Variants in NEB observed in about 807,000 individuals in gnomAD.
The protein encoded by NEB is nemaline myopathy type 2.
A neutral mutation model predicts 952.2 loss-of-function variants in NEB; 512 were observed. That is an observed-to-expected ratio of 0.54 (90% confidence interval 0.50 to 0.58). The LOEUF (loss-of-function observed/expected upper bound fraction) is 0.58, where lower values mean the gene tolerates loss of function less well. Ranked by LOEUF, NEB falls within the 20% of genes least tolerant of loss-of-function variation. The pLI is 0.00. For missense variants in NEB, 8,428 were observed against 9,231.1 expected (o/e 0.91, Z 3.56); for synonymous variants, 2,900 against 3,149.8 (o/e 0.92, Z 2.66).
intron 27 of NEB, among the ~76,000 whole-genome samples, 154 bp from the exon 28 acceptor site, chr2:151,685,129 A>G (rs1032030070): frequency 6.6e-6 from 1 of 152,164 alleles, no homozygotes; most frequent in African/African-American, 2.4e-5. Flanking sequence ...GTTACATACC[A>G]TTGAAATTCC....
chr2:151,549,777 G>C, intron 129 of NEB, 37 bp from the exon 130 acceptor site: 1 of 1,268,230 alleles, frequency 7.9e-7, no homozygotes, highest in South Asian at 1.3e-5. Flanking sequence ...AATGACATCG[G>C]GCATCAAGTA....
At chr2:151,725,019 A>T in intron 6 of NEB, 58 bp from the exon 7 acceptor site, 3 of 1,342,650 alleles carry the variant, frequency 2.2e-6, no homozygotes, top group Non-Finnish European at 3.2e-6. Context: ...GAGTATATTA[A>T]GGAATTTCTT....
intron 173 of NEB, among the ~76,000 whole-genome samples, chr2:151,494,711 C>T (rs776972588): frequency 1.3e-5 from 2 of 152,144 alleles, no homozygotes; most frequent in Admixed American, 6.5e-5. Context: ...TGCAATGGCA[C>T]GATCCCTGCT....
At chr2:151,716,215 T>C in intron 10 of NEB, 1 of 378,222 alleles carries the variant, frequency 2.6e-6, no homozygotes, top group South Asian at 2.0e-5. Flanking sequence ...CTTGGCTCAC[T>C]GCAACCTCCG....
At chr2:151,557,818 G>A (rs929457485) in intron 124 of NEB, among the ~76,000 whole-genome samples, 3 of 152,096 alleles carry the variant, frequency 2.0e-5, no homozygotes, top group Admixed American at 2.0e-4. Flanking sequence ...AAATTCAACA[G>A]CTCTTCATGC....
intron 119 of NEB, 97 bp from the exon 120 acceptor site, chr2:151,562,905 C>G: frequency 1.5e-6 from 1 of 685,904 alleles, no homozygotes; most frequent in Non-Finnish European, 2.3e-6. Flanking sequence ...AGATCAGTAT[C>G]TCTAGAATAA....
In NEB at chr2:151,656,201, A is replaced by G. The variant is rs760492368; in HGVS notation, c.6447T>C (p.Asp2149=). Residue 2149 remains aspartate (D), a synonymous_variant, in exon 49 of 182, where the codon GAT becomes GAC. Transcript: ENST00000397345. ...HLIHKYILLP[D]AMNIELTRNM... The stretch of plus-strand genomic sequence containing the variant: ...TCCTGGTCAGCTCAATGTTCATTGC[A>G]TCTGGAAGGAGGATGTACTTGTGAA... 2.5e-6 allele frequency: 4 copies of G among 1,610,516 alleles called. No homozygotes were observed. In the Middle Eastern group the frequency reaches 5.0e-4, roughly 200 times the overall value.
rs144595998 is a variant in NEB at position 151,642,828 on chromosome 2, G to A, written c.8202C>T (p.Val2734=). Residue 2734 remains valine (V), a synonymous_variant, in exon 59 of 182, where the codon GTC becomes GTT. Transcript: ENST00000397345. ...CTTCAGGGGTATCTGGCATAATGTG[G>A]ACAGTGGTTTTATCTTTATCCCAAG... ...TEAWDKDKTT[V]HIMPDTPEVL... 2.0e-4 allele frequency: 322 copies of A among 1,612,902 alleles called. 1 individual carries two copies. The African/African-American group carries it at 3.1e-3, about 15-fold the overall frequency.
At chr2:151,655,683 G>T in intron 50 of NEB, 134 bp downstream of exon 50, 2 of 863,516 alleles carry the variant, frequency 2.3e-6, no homozygotes, top group Non-Finnish European at 3.6e-6. Flanking sequence ...AGAAGATGGT[G>T]TAGGGGAATG....
At chr2:151,652,255 T>C (rs553542892) in intron 52 of NEB, among the ~76,000 whole-genome samples, 1 of 152,338 alleles carries the variant, frequency 6.6e-6, no homozygotes, top group South Asian at 2.1e-4. Flanking sequence ...AGATACCGTC[T>C]GGCTCTGTTG....
intron 2 of NEB, among the ~76,000 whole-genome samples, 181 bp downstream of exon 2, chr2:151,733,531 T>A (rs1385622635): frequency 6.6e-6 from 1 of 152,168 alleles, no homozygotes; most frequent in Admixed American, 6.5e-5. Flanking sequence ...GCAAAAATTT[T>A]AGTGAAAGGT....
chr2:151,562,359 C>A, intron 120 of NEB, 145 bp from the exon 121 acceptor site: 1 of 785,584 alleles, frequency 1.3e-6, no homozygotes, highest in East Asian at 2.5e-5. Context: ...TCTTTAATTC[C>A]CAAGCCTAAA....
chr2:151,704,599 T>A (rs866762871), intron 13 of NEB, among the ~76,000 whole-genome samples: 15 of 152,312 alleles, frequency 9.8e-5, no homozygotes, highest in South Asian at 8.3e-4. Flanking sequence ...AAGCGCAATA[T>A]TCGGGAGGGA....
chr2:151,523,475 G>A (rs1384914901), intron 153 of NEB, among the ~76,000 whole-genome samples: 2 of 152,190 alleles, frequency 1.3e-5, no homozygotes, highest in Non-Finnish European at 2.9e-5. Context: ...ACAGATACCT[G>A]AGAGGACAAG....
Position 151,692,139 on chromosome 2 carries a change from C to G in NEB, c.2026G>C (p.Asp676His), listed in dbSNP as rs759700927. The G allele has an allele frequency of 6.2e-7, 1 of 1,613,834 alleles. No homozygotes were observed. ...CTGCCTACATAATGTCCCAAAACAT[C>G]CTTTACATATAAGTCTTTATATCTA... ...EARYKDLYVKDVLGHYVGSME... is the reference protein window; with the variant it reads ...EARYKDLYVKHVLGHYVGSME... The change falls in exon 22 of 182, where the codon GAT becomes CAT. Residue 676 changes from aspartate to histidine, a missense_variant. Coordinates refer to ENST00000397345, the MANE Select transcript of NEB (RefSeq NM_001164508.2).
chr2:151,551,911 A>T, intron 128 of NEB, 66 bp from the exon 129 acceptor site: 1 of 1,141,932 alleles, frequency 8.8e-7, no homozygotes, highest in Non-Finnish European at 1.3e-6. Flanking sequence ...TTTAAAAAAA[A>T]TAACGGTAGC....
intron 13 of NEB, among the ~76,000 whole-genome samples, chr2:151,698,669 C>G (rs71350303): frequency 0.85 from 119,815 of 140,498 alleles, 52,010 homozygotes; most frequent in Middle Eastern, 0.94. Flanking sequence ...ATGGAGTCTC[C>G]CTCTGTTGCC....
At chr2:151,560,749 A>G in intron 123 of NEB, 50 bp from the exon 124 acceptor site, 18 of 1,402,768 alleles carry the variant, frequency 1.3e-5, no homozygotes, top group Non-Finnish European at 1.8e-5. Flanking sequence ...GCATCTGGTT[A>G]GCTTCTGAGT....
chr2:151,639,241 T>G (rs1365460433), intron 63 of NEB, 39 bp downstream of exon 63: 6 of 1,428,172 alleles, frequency 4.2e-6, no homozygotes, highest in Non-Finnish European at 5.7e-6. Context: ...TCAACTGAAA[T>G]AAGCAGCAGT....
Sources: gnomAD v4.1 joint callset for allele counts (sites outside exome capture counted in the v4.1 genomes callset) on GRCh38, gnomAD v4.1.1 for gene constraint, MANE v1.5 for transcripts, NCBI Gene and HGNC (gene_info 2026-07-23, HGNC 2026-07-21) for gene names.